The following SNX31 variants were observed in gnomAD, a reference collection of about 807,000 sequenced individuals.
The protein encoded by SNX31 is sorting nexin-31.
Under a neutral mutation model 65.4 loss-of-function variants are expected in SNX31, and 58 were observed. The ratio of observed to expected loss-of-function variants is 0.89; its 90% CI spans 0.72 to 1.10. The LOEUF (loss-of-function observed/expected upper bound fraction) is 1.10. Among genes scored for constraint, SNX31 ranks in the 50% least tolerant of loss-of-function variants. SNX31 has a pLI of 0.00. For missense variants in SNX31, 523 were observed against 529.7 expected (o/e 0.99, Z 0.12); for synonymous variants, 181 against 190.1 (o/e 0.95, Z 0.39).
In SNX31 at chr8:100,576,110, AC is replaced by A. The variant is rs569284407; in HGVS notation, c.1227+908del. Among the ~76,000 whole-genome samples, 56 of 152,300 alleles carry A rather than the reference AC, an allele frequency of 3.7e-4. No homozygotes were observed. Among genetic ancestry groups the A allele is most frequent in the African/African-American group, 1.3e-3 (55 of 41,574 alleles). On this transcript the variant is annotated intron_variant, in intron 13 of 13. Coordinates refer to ENST00000311812, the MANE Select transcript of SNX31 (RefSeq NM_152628.4). The surrounding 1 kb of genome is among the most constrained non-coding windows in gnomAD (Gnocchi z 4.8). ...AGTTCCTATCTCGTCTCTCTGTCCA[AC>A]CAGCCAGAAGTGCTGTGATTATGAA...
chr8:100,573,926 C>CTTTTTTTTTTT lies in SNX31; in HGVS notation c.1261_1262insAAAAAAAAAAA (p.Ser421LysfsTer9), dbSNP rs752425672. ...GTCATCTTTAGCTATCTTAATCTTG[C>CTTTTTTTTTTT]TTTTTCTTGATAGAAAACTAGAATA... On this transcript the variant is annotated frameshift_variant, in exon 14 of 14. Coordinates refer to ENST00000311812, the MANE Select transcript of SNX31 (RefSeq NM_152628.4). LOFTEE classifies it high-confidence loss of function. 3 of 1,587,004 alleles carry CTTTTTTTTTTT rather than the reference C, an allele frequency of 1.9e-6. No homozygotes were observed. The East Asian group carries it at 7.0e-5, about 37-fold the overall frequency.
rs780200716 is a variant in SNX31 at position 100,613,930 on chromosome 8, G to A, written c.433-845C>T. Among the ~76,000 whole-genome samples, 23 of 152,204 alleles carry A rather than the reference G, an allele frequency of 1.5e-4. No individual in the cohort carries two copies. The highest frequency in any genetic ancestry group is 2.4e-4 in the Non-Finnish European group (16 of 68,002). ...ACTAAATCACCTCTGTACCACGCAA[G>A]GAGAGGCCTCCAAGCACTGCCCTCC... On this transcript the variant is annotated intron_variant, in intron 5 of 13. Coordinates refer to ENST00000311812, the MANE Select transcript of SNX31 (RefSeq NM_152628.4). The surrounding 1 kb of genome is among the most constrained non-coding windows in gnomAD (Gnocchi z 5.2).
chr8:100,655,581 A>C (rs1001761385), intron 1 of SNX31, among the ~76,000 whole-genome samples: 1 of 152,232 alleles, frequency 6.6e-6, no homozygotes, highest in Admixed American at 6.5e-5. Context: ...CAGCTTCTGC[A>C]TTCTGCCATG....
chr8:100,649,046 G>A (rs1422344896), intron 2 of SNX31, among the ~76,000 whole-genome samples: 2 of 152,228 alleles, frequency 1.3e-5, no homozygotes, highest in African/African-American at 4.8e-5. Context: ...ACCTGCGCCC[G>A]GTTCCCTCAT....
chr8:100,609,128 C>A lies in SNX31; in HGVS notation c.612-565G>T, dbSNP rs1250668535. On this transcript the variant is annotated intron_variant, in intron 7 of 13. Transcript: ENST00000311812. The surrounding 1 kb of genome is among the most constrained non-coding windows in gnomAD (Gnocchi z 4.9). ...ATTCTACTCACTTTCAAGGCCCTTC[C>A]GGGGACCACCCCCACTTTCATTTCC... is the stretch of plus-strand genomic sequence containing the variant. Among the ~76,000 whole-genome samples the A allele has an allele frequency of 6.6e-6, 1 of 152,146 alleles. No individual in the cohort carries two copies. The highest frequency in any genetic ancestry group is 2.4e-5 in the African/African-American group (1 of 41,430).
intron 5 of SNX31, among the ~76,000 whole-genome samples, chr8:100,617,293 G>T (rs766693479): frequency 1.3e-5 from 2 of 152,126 alleles, no homozygotes; most frequent in Non-Finnish European, 2.9e-5. Context: ...TGCTCCCAAC[G>T]ATGGGACATC....
At chr8:100,611,421 A>T (rs1816698259) in intron 7 of SNX31, among the ~76,000 whole-genome samples, 1 of 152,116 alleles carries the variant, frequency 6.6e-6, no homozygotes. Flanking sequence ...ATGCAGAAAG[A>T]TGGCTACCCT....
At chr8:100,624,590 A>G (rs1335678963) in intron 4 of SNX31, among the ~76,000 whole-genome samples, 1 of 152,250 alleles carries the variant, frequency 6.6e-6, no homozygotes, top group African/African-American at 2.4e-5. Flanking sequence ...TGATGAGACC[A>G]AAGCAAGCAC....
intron 1 of SNX31, among the ~76,000 whole-genome samples, chr8:100,658,651 G>A (rs528721427): frequency 1.3e-5 from 2 of 152,306 alleles, no homozygotes; most frequent in South Asian, 4.1e-4. Context: ...CTTGCCCAAA[G>A]TTGCACAGCT....
chr8:100,649,133 C>T, intron 2 of SNX31, 141 bp downstream of exon 2: 1 of 742,704 alleles, frequency 1.3e-6, no homozygotes, highest in South Asian at 1.7e-5. Context: ...TCATCCTTAC[C>T]AGGACCCTGT....
rs1449065402 is a variant in SNX31, at chr8:100,622,533, C to G, written c.322-4803G>C. Reference sequence around the variant, plus strand: ...GGGCGTGGTGGCACATGCCTGTAATCTCAGCTACTTGGGAGGCTGAGGCAG... The same window carrying G: ...GGGCGTGGTGGCACATGCCTGTAATGTCAGCTACTTGGGAGGCTGAGGCAG... On this transcript the variant is annotated intron_variant, in intron 4 of 13. Transcript: ENST00000311812. The surrounding 1 kb of genome is among the most constrained non-coding windows in gnomAD (Gnocchi z 5.0). Among the ~76,000 whole-genome samples the G allele has an allele frequency of 2.6e-5, 4 of 152,106 alleles. No homozygotes were observed. Among genetic ancestry groups the G allele is most frequent in the Non-Finnish European group, 4.4e-5 (3 of 68,022 alleles).
intron 10 of SNX31, among the ~76,000 whole-genome samples, chr8:100,593,779 C>T (rs1814807364): frequency 6.6e-6 from 1 of 151,962 alleles, no homozygotes; most frequent in Non-Finnish European, 1.5e-5. Context: ...AAGTCTCATG[C>T]TCCATACAAA....
rs149658349 is a variant in SNX31 at position 100,608,539 on chromosome 8, G to A, written c.636C>T (p.Ser212=). 2.4e-5 allele frequency: 38 copies of A among 1,613,842 alleles called. No homozygotes were observed. The highest frequency in any genetic ancestry group is 1.1e-4 in the African/African-American group (8 of 74,900). The stretch of plus-strand genomic sequence containing the variant: ...CCGCCACCCTGCAGTCCATCAGCAC[G>A]GAGTCGAGGGATGGAGCCATATACC... The part of the protein sequence containing the change: ...RKWYMAPSLD[S]VLMDCRVAVD... The change falls in exon 8 of 14, where the codon TCC becomes TCT. Residue 212 remains serine (S), a synonymous_variant. Transcript: ENST00000311812.
intron 2 of SNX31, among the ~76,000 whole-genome samples, chr8:100,641,568 ATAT>A (rs1819206091): frequency 2.1e-4 from 7 of 32,746 alleles, no homozygotes; most frequent in Admixed American, 1.0e-3. Flanking sequence ...AAAAAAAAAT[ATAT>A]ATATATATAT....
intron 1 of SNX31, among the ~76,000 whole-genome samples, chr8:100,662,513 C>T (rs1467154538): frequency 6.6e-6 from 1 of 152,100 alleles, no homozygotes; most frequent in South Asian, 2.1e-4. Context: ...GCCTGGCCAA[C>T]GTGGTGAAAA....
chr8:100,656,547 G>A (rs1462358564), intron 1 of SNX31, among the ~76,000 whole-genome samples: 2 of 148,794 alleles, frequency 1.3e-5, no homozygotes, highest in East Asian at 2.0e-4. Flanking sequence ...AGGCCAAGGC[G>A]GGAGAATCTC....
chr8:100,628,813 GGTGTGTGTGTGTGTGT>G (rs35911139), intron 4 of SNX31, among the ~76,000 whole-genome samples: 1 of 144,004 alleles, frequency 6.9e-6, no homozygotes, highest in African/African-American at 2.6e-5. Context: ...AAATAAAATG[GGTGTGTGTGTGTGTGT>G]GTGTGTGTGT....
intron 2 of SNX31, among the ~76,000 whole-genome samples, chr8:100,637,393 A>G (rs1818853627): frequency 6.6e-6 from 1 of 152,200 alleles, no homozygotes. Flanking sequence ...CAGTGGCTTA[A>G]AGAAAATGAA....
At chr8:100,603,645 C>G (rs1815858227) in intron 8 of SNX31, among the ~76,000 whole-genome samples, 1 of 151,786 alleles carries the variant, frequency 6.6e-6, no homozygotes, top group African/African-American at 2.4e-5. Flanking sequence ...CCATGTTGGT[C>G]AGGCTGGTCT....
Sources: gnomAD v4.1 joint callset for allele counts (sites outside exome capture counted in the v4.1 genomes callset) on GRCh38, gnomAD v4.1.1 for gene constraint, Gnocchi (gnomAD v3.1) non-coding constraint, MANE v1.5 for transcripts, NCBI Gene and HGNC (gene_info 2026-07-23, HGNC 2026-07-21) for gene names.